Variants in ZYX observed in about 807,000 individuals in gnomAD.
The protein encoded by ZYX is zyxin, also known as zyxin-2.
ZYX carries 37 observed loss-of-function variants against 58.1 expected under a neutral mutation model. The ratio of observed to expected loss-of-function variants is 0.64; its 90% CI spans 0.49 to 0.84. ZYX has a LOEUF of 0.84. Ranked by LOEUF, ZYX falls within the 40% of genes least tolerant of loss-of-function variation. The probability of loss-of-function intolerance (pLI) is 0.00; values close to 1 mark genes in which losing one functional copy is unlikely to be tolerated. For synonymous variants in ZYX, 324 were observed against 321.1 expected (o/e 1.01, Z -0.10); for missense variants, 762 against 761.6 (o/e 1.00, Z -0.01).
At chr7:143,385,756 GTC>G (rs2116579474) in intron 5 of ZYX, among the ~76,000 whole-genome samples, 1 of 134,342 alleles carries the variant, frequency 7.4e-6, no homozygotes, top group Non-Finnish European at 1.5e-5. Context: ...CGATTCTCCT[GTC>G]TCAGCCTCCC....
At position 143,388,167 on chromosome 7, in the gene ZYX, G is replaced by A; in HGVS notation, c.1024-52G>A. On this transcript the variant is annotated intron_variant, in intron 5 of 9. Coordinates refer to ENST00000322764, the MANE Select transcript of ZYX (RefSeq NM_003461.5). The surrounding 1 kb of genome is among the most constrained non-coding windows in gnomAD (Gnocchi z 7.5). ...AAGCCGGGTAGGCTGGCCTGGGAAG[G>A]TTCTTGGAGGCAGCAGCCCTCTAGA... 3.2e-6 allele frequency: 5 copies of A among 1,547,604 alleles called. No individual in the cohort carries two copies. The highest frequency in any genetic ancestry group is 4.4e-6 in the Non-Finnish European group (5 of 1,146,078).
intron 5 of ZYX, among the ~76,000 whole-genome samples, chr7:143,386,844 CT>C (rs1804882637): frequency 6.6e-6 from 1 of 152,116 alleles, no homozygotes; most frequent in Non-Finnish European, 1.5e-5. Context: ...TGGATGATGA[CT>C]GAGATGGACG....
In ZYX at chr7:143,384,875, A is replaced by C. The variant is rs1314110911; in HGVS notation, c.1023+1553A>C. Among the ~76,000 whole-genome samples, 1 of 152,106 alleles carries C rather than the reference A, an allele frequency of 6.6e-6. No individual in the cohort carries two copies. The highest frequency in any genetic ancestry group is 2.4e-5 in the African/African-American group (1 of 41,406). ...GAGGGGTCCAGCTGTCAACGTTTTG[A>C]GCAACAGGTCCCAGGAGGACTTTCA... On this transcript the variant is annotated intron_variant, in intron 5 of 9. Coordinates refer to ENST00000322764, the MANE Select transcript of ZYX (RefSeq NM_003461.5). This position sits in a 1 kb window ranked among gnomAD's most constrained non-coding sequence, Gnocchi z 4.9.
In ZYX at chr7:143,384,868, C is replaced by G. The variant is rs1159793502; in HGVS notation, c.1023+1546C>G. 2.6e-5 allele frequency among the ~76,000 whole-genome samples: 4 copies of G among 152,106 alleles called. No homozygotes were observed. Among genetic ancestry groups the G allele is most frequent in the Non-Finnish European group, 5.9e-5 (4 of 68,024 alleles). ...GGAAGAGGAGGGGTCCAGCTGTCAACGTTTTGAGCAACAGGTCCCAGGAGG... is the reference window on the plus strand; with the variant it reads ...GGAAGAGGAGGGGTCCAGCTGTCAAGGTTTTGAGCAACAGGTCCCAGGAGG... On this transcript the variant is annotated intron_variant, in intron 5 of 9. Coordinates refer to ENST00000322764, the MANE Select transcript of ZYX (RefSeq NM_003461.5). This position sits in a 1 kb window ranked among gnomAD's most constrained non-coding sequence, Gnocchi z 4.9.
chr7:143,390,632 G>T lies in ZYX; in HGVS notation c.1669G>T (p.Asp557Tyr), dbSNP rs952111937. 5.0e-6 allele frequency: 8 copies of T among 1,587,966 alleles called. No individual in the cohort carries two copies. The South Asian group carries it at 9.2e-5, about 18-fold the overall frequency. ...EADDNGCFPLDGHVLCRKCHT... is the reference protein window; with the variant it reads ...EADDNGCFPLYGHVLCRKCHT... ...AGATGACAATGGCTGCTTCCCCCTG[G>T]ACGGTCACGTGCTCTGTCGGAAGTG... Residue 557 changes from aspartate (D) to tyrosine (Y), a missense_variant, in exon 10 of 10, where the codon GAC (aspartate) becomes TAC (tyrosine). Transcript: ENST00000322764. The surrounding 1 kb of genome is among the most constrained non-coding windows in gnomAD (Gnocchi z 4.3).
Position 143,388,892 on chromosome 7 carries a change from C to T in ZYX, c.1440C>T (p.Thr480=), listed in dbSNP as rs142288548. The part of the protein sequence containing the change: ...CVVCARPLEG[T]SFIVDQANRP... ...TCTGCGCCCGCCCCCTGGAGGGCACCTCCTTCATCGTGGACCAGGCCAACC... is the reference window on the plus strand; with the variant it reads ...TCTGCGCCCGCCCCCTGGAGGGCACTTCCTTCATCGTGGACCAGGCCAACC... Residue 480 remains threonine, a synonymous_variant, in exon 8 of 10, where the codon ACC becomes ACT. Transcript: ENST00000322764. The surrounding 1 kb of genome is among the most constrained non-coding windows in gnomAD (Gnocchi z 7.5). 5.5e-4 allele frequency: 889 copies of T among 1,613,564 alleles called. 9 individuals are homozygous for T. In the African/African-American group the frequency reaches 0.011, roughly 19 times the overall value.
chr7:143,389,937 C>A lies in ZYX; in HGVS notation c.1574C>A (p.Ala525Asp), dbSNP rs1215385011. ...PGRDETVRVV[A>D]LDKNFHMKCY... ...CGAGATGAGACTGTGCGAGTGGTCG[C>A]CCTGGACAAGAACTTCCACATGAAG... The change falls in exon 9 of 10, where the codon GCC (alanine) becomes GAC (aspartate). Residue 525 changes from alanine to aspartate, a missense_variant. Transcript: ENST00000322764. This position sits in a 1 kb window ranked among gnomAD's most constrained non-coding sequence, Gnocchi z 5.6. 6.2e-7 allele frequency: 1 copy of A among 1,614,154 alleles called. No homozygotes were observed. Among genetic ancestry groups the A allele is most frequent in the Admixed American group, 1.7e-5 (1 of 60,016 alleles).
Position 143,390,719 on chromosome 7 carries a change from C to A in ZYX, c.*37C>A. 1 of 1,460,234 alleles carries A rather than the reference C, an allele frequency of 6.8e-7. No individual in the cohort carries two copies. Among genetic ancestry groups the A allele is most frequent in the Non-Finnish European group, 9.4e-7 (1 of 1,065,694 alleles). The allele number at this position is 1,460,234 out of a possible 1,614,324, so 90.5% of individuals were successfully genotyped here. The stretch of plus-strand genomic sequence containing the variant: ...CCCTCTTCAGACCGCAGTCCATGCC[C>A]CATTGTGGACCACCCACACTGAGAC... On this transcript the variant is annotated 3_prime_UTR_variant, in exon 10 of 10. Coordinates refer to ENST00000322764, the MANE Select transcript of ZYX (RefSeq NM_003461.5). The surrounding 1 kb of genome is among the most constrained non-coding windows in gnomAD (Gnocchi z 4.3).
chr7:143,390,705 C>T lies in ZYX; in HGVS notation c.*23C>T, dbSNP rs576776702. On this transcript the variant is annotated 3_prime_UTR_variant, in exon 10 of 10. Coordinates refer to ENST00000322764, the MANE Select transcript of ZYX (RefSeq NM_003461.5). The surrounding 1 kb of genome is among the most constrained non-coding windows in gnomAD (Gnocchi z 4.3). ...TGAGTGAGGACAGGCCCTCTTCAGA[C>T]CGCAGTCCATGCCCCATTGTGGACC... The T allele has an allele frequency of 4.5e-5, 69 of 1,538,262 alleles. No individual in the cohort carries two copies. The Admixed American group carries it at 6.4e-4, about 14-fold the overall frequency.
rs1421940200 is a variant in ZYX at position 143,381,694 on chromosome 7, C to T, written c.123C>T (p.Pro41=). The T allele has an allele frequency of 3.1e-6, 5 of 1,606,718 alleles. No individual in the cohort carries two copies. In the African/African-American group the frequency reaches 4.0e-5, roughly 13 times the overall value. ...APKPKVNPFR[P]GDSEPPPAPG... is the part of the protein sequence containing the mutation. ...AGCCCAAAGTGAATCCCTTCCGGCC[C>T]GGGGACAGCGAGCCTCCCCCGGCAC... Residue 41 remains proline, a synonymous_variant, in exon 2 of 10, where the codon CCC becomes CCT. Transcript: ENST00000322764.
rs1804994618 is a variant in ZYX at position 143,389,513 on chromosome 7, A to T, written c.1494-344A>T. On this transcript the variant is annotated intron_variant, in intron 8 of 9. Transcript: ENST00000322764. This position sits in a 1 kb window ranked among gnomAD's most constrained non-coding sequence, Gnocchi z 5.6. ...GCATGGGGGTGGGAGGATTGGGGGA[A>T]GGTGAGGGTCAGGGACCCAGGATGG... is the stretch of plus-strand genomic sequence containing the variant. 1.3e-5 allele frequency among the ~76,000 whole-genome samples: 2 copies of T among 152,034 alleles called. No individual in the cohort carries two copies. The highest frequency in any genetic ancestry group is 4.8e-5 in the African/African-American group (2 of 41,428).
Position 143,390,151 on chromosome 7 carries a change from G to A in ZYX, c.1614+174G>A, listed in dbSNP as rs1022583619. ...GCCAGAATGCTTCCTGCCACTGCAG[G>A]AAATGGGGCTGTGGGGCTTCTGAGG... On this transcript the variant is annotated intron_variant, in intron 9 of 9. Coordinates refer to ENST00000322764, the MANE Select transcript of ZYX (RefSeq NM_003461.5). This position sits in a 1 kb window ranked among gnomAD's most constrained non-coding sequence, Gnocchi z 4.3. 2.2e-6 allele frequency: 2 copies of A among 895,128 alleles called. No homozygotes were observed. Among genetic ancestry groups the A allele is most frequent in the African/African-American group, 1.7e-5 (1 of 59,712 alleles). 55.4% of individuals were successfully genotyped at this position (895,128 alleles called of 1,614,324 possible).
In ZYX at chr7:143,390,276, G is replaced by C. The variant is rs1805024158; in HGVS notation, c.1614+299G>C. 3.7e-6 allele frequency: 2 copies of C among 545,032 alleles called. No individual in the cohort carries two copies. The highest frequency in any genetic ancestry group is 6.6e-6 in the Non-Finnish European group (2 of 303,074). The allele number at this position is 545,032 out of a possible 1,614,324, so 33.8% of individuals were successfully genotyped here. On this transcript the variant is annotated intron_variant, in intron 9 of 9. Transcript: ENST00000322764. The surrounding 1 kb of genome is among the most constrained non-coding windows in gnomAD (Gnocchi z 4.3). ...GGTAGGGGATGGGGAAACAGGAGCTGAGAGAAGAGGTCTTCGAATGGAGGT... is the reference window on the plus strand; with the variant it reads ...GGTAGGGGATGGGGAAACAGGAGCTCAGAGAAGAGGTCTTCGAATGGAGGT...
Position 143,383,047 on chromosome 7 carries a change from A to G in ZYX, c.748A>G (p.Thr250Ala), listed in dbSNP as rs747986526. The change falls in exon 5 of 10, where the codon ACC (threonine) becomes GCC (alanine). Residue 250 changes from threonine (T) to alanine (A), a missense_variant. Transcript: ENST00000322764. ...SQTQPVSLAN[T>A]QPRGPPASSP... ...GACCCAGCCTGTGTCTTTGGCTAAC[A>G]CCCAGCCCCGAGGGCCCCCAGCCTC... 2.5e-6 allele frequency: 4 copies of G among 1,613,854 alleles called. No homozygotes were observed. Among genetic ancestry groups the G allele is most frequent in the Non-Finnish European group, 3.4e-6 (4 of 1,179,940 alleles).
rs1270984845 is a variant in ZYX at position 143,388,943 on chromosome 7, C to T, written c.1491C>T (p.His497=). 6.2e-7 allele frequency: 1 copy of T among 1,604,840 alleles called. No individual in the cohort carries two copies. The highest frequency in any genetic ancestry group is 8.5e-7 in the Non-Finnish European group (1 of 1,175,654). Residue 497 remains histidine (H), a splice_region_variant and synonymous_variant, in exon 8 of 10, where the codon CAC becomes CAT. Coordinates refer to ENST00000322764, the MANE Select transcript of ZYX (RefSeq NM_003461.5). This position sits in a 1 kb window ranked among gnomAD's most constrained non-coding sequence, Gnocchi z 7.5. ...GGCCCCACTGTGTCCCCGACTACCA[C>T]AAGTGAGGACCTGCCACCTGCCTTC... ...ANRPHCVPDY[H]KQYAPRCSVC... is the part of the protein sequence containing the mutation.
rs1273675184 is a variant in ZYX at position 143,384,846 on chromosome 7, A to G, written c.1023+1524A>G. ...AGAAGGGGAAATGGTTTGGACGGGAAGAGGAGGGGTCCAGCTGTCAACGTT... is the reference window on the plus strand; with the variant it reads ...AGAAGGGGAAATGGTTTGGACGGGAGGAGGAGGGGTCCAGCTGTCAACGTT... On this transcript the variant is annotated intron_variant, in intron 5 of 9. Coordinates refer to ENST00000322764, the MANE Select transcript of ZYX (RefSeq NM_003461.5). The surrounding 1 kb of genome is among the most constrained non-coding windows in gnomAD (Gnocchi z 4.9). 2.6e-5 allele frequency among the ~76,000 whole-genome samples: 4 copies of G among 152,130 alleles called. No individual in the cohort carries two copies. The highest frequency in any genetic ancestry group is 5.9e-5 in the Non-Finnish European group (4 of 68,018).
In ZYX at chr7:143,382,414, A is replaced by G. The variant is rs2116557063; in HGVS notation, c.375A>G (p.Gly125=). The G allele has an allele frequency of 1.1e-5, 17 of 1,580,366 alleles. No homozygotes were observed. The highest frequency in any genetic ancestry group is 1.5e-5 in the Non-Finnish European group (17 of 1,165,194). ...PSPPPPPEEE[G]GPEAPIPPPP... Reference sequence around the variant, plus strand: ...CGCCGCCTCCTCCGGAGGAGGAGGGAGGGCCTGAGGCCCCCATACCGCCCC... The same window carrying G: ...CGCCGCCTCCTCCGGAGGAGGAGGGGGGGCCTGAGGCCCCCATACCGCCCC... Residue 125 remains glycine (G), a synonymous_variant, in exon 3 of 10, where the codon GGA becomes GGG. Transcript: ENST00000322764.
chr7:143,383,658 CT>C, intron 5 of ZYX, among the ~76,000 whole-genome samples: 2 of 152,312 alleles, frequency 1.3e-5, no homozygotes, highest in South Asian at 4.1e-4. Context: ...CCAGTTCCAC[CT>C]TGGTTTTTCC....
chr7:143,382,200 T>A (rs745998905), intron 2 of ZYX, 48 bp from the exon 3 acceptor site: 3 of 1,506,602 alleles, frequency 2.0e-6, no homozygotes, highest in Non-Finnish European at 2.7e-6. Flanking sequence ...GGAGCTTGGG[T>A]GAGGGGTAGA....
Sources: allele counts gnomAD v4.1 joint callset (sites outside exome capture counted in the v4.1 genomes callset), GRCh38; gene constraint gnomAD v4.1.1; non-coding constraint Gnocchi (gnomAD v3.1); transcripts MANE v1.5; gene names NCBI Gene and HGNC (gene_info 2026-07-23, HGNC 2026-07-21).